The following CALB1 variants were observed in gnomAD, a reference collection of about 807,000 sequenced individuals.
CALB1 encodes the protein calbindin.
Under a neutral mutation model 46.7 loss-of-function variants are expected in CALB1, and 16 were observed. That is an observed-to-expected ratio of 0.34 (90% CI 0.23 to 0.52). The LOEUF (loss-of-function observed/expected upper bound fraction) is 0.52. Ranked by LOEUF, CALB1 falls within the 20% of genes least tolerant of loss-of-function variation. CALB1 has a pLI of 0.95. For synonymous variants in CALB1, 90 were observed against 112.8 expected (o/e 0.80, Z 1.28); for missense variants, 224 against 300.3 (o/e 0.75, Z 1.88).
At chr8:90,074,510 A>G (rs1814586878) in intron 3 of CALB1, among the ~76,000 whole-genome samples, 8 of 152,318 alleles carry the variant, frequency 5.3e-5, no homozygotes, top group Admixed American at 5.2e-4. Context: ...TCAAAAAAGT[A>G]TCCCTAATAA....
chr8:90,082,654 T>C lies in CALB1; in HGVS notation c.44A>G (p.Gln15Arg). 1.2e-6 allele frequency: 2 copies of C among 1,614,008 alleles called. No homozygotes were observed. Among genetic ancestry groups the C allele is most frequent in the Non-Finnish European group, 1.7e-6 (2 of 1,179,964 alleles). Reference sequence around the variant, plus strand: ...GAAATGGAGCCAGATCTCGAAAAACTGTGAGGCTGTGATGAGGGATGACTG... The same window carrying C: ...GAAATGGAGCCAGATCTCGAAAAACCGTGAGGCTGTGATGAGGGATGACTG... ...HLQSSLITAS[Q>R]FFEIWLHFDA... Residue 15 changes from glutamine to arginine, a missense_variant, in exon 1 of 11, where the codon CAG (glutamine) becomes CGG (arginine). Transcript: ENST00000265431.
intron 3 of CALB1, among the ~76,000 whole-genome samples, chr8:90,072,362 G>A (rs1230867299): frequency 1.3e-5 from 2 of 152,082 alleles, no homozygotes; most frequent in Admixed American, 6.6e-5. Context: ...TGCCCATACT[G>A]CTTTGGTTTT....
In CALB1 at chr8:90,081,922, T is replaced by C. The variant is rs1814740062; in HGVS notation, c.156+104A>G. The C allele has an allele frequency of 3.2e-6, 3 of 940,190 alleles. No individual in the cohort carries two copies. In the South Asian group the frequency reaches 4.6e-5, roughly 14 times the overall value. The allele number at this position is 940,190 out of a possible 1,614,324, so 58.2% of individuals were successfully genotyped here. A position where few individuals can be genotyped will look rare whatever the true frequency, so the allele number is the denominator to read the frequency against. On this transcript the variant is annotated intron_variant, in intron 2 of 10. Transcript: ENST00000265431. The stretch of plus-strand genomic sequence containing the variant: ...CTTTCGCAGTCAATAAACGTTTACA[T>C]TACCCAGAAAGCGCTTTACGCTACT...
chr8:90,065,215 A>G (rs956565871), intron 6 of CALB1, among the ~76,000 whole-genome samples: 1 of 151,250 alleles, frequency 6.6e-6, no homozygotes, highest in Non-Finnish European at 1.5e-5. Flanking sequence ...TTTATCTGGA[A>G]CCTTATTTAT....
At chr8:90,081,967 A>C (rs1489398837) in intron 2 of CALB1, 59 bp downstream of exon 2, 51 of 1,439,404 alleles carry the variant, frequency 3.5e-5, no homozygotes, top group African/African-American at 5.7e-5. Context: ...TGAAAACACA[A>C]GAATGTTTTA....
chr8:90,070,765 G>C (rs1234697367), intron 3 of CALB1, among the ~76,000 whole-genome samples: 1 of 151,404 alleles, frequency 6.6e-6, no homozygotes, highest in Non-Finnish European at 1.5e-5. Flanking sequence ...TAAAAATGGG[G>C]GTTTATAATG....
intron 3 of CALB1, among the ~76,000 whole-genome samples, chr8:90,070,614 G>A (rs576534849): frequency 1.1e-4 from 17 of 152,048 alleles, no homozygotes; most frequent in Middle Eastern, 3.4e-3. Context: ...CGATTTATAC[G>A]CACCACACAT....
intron 3 of CALB1, among the ~76,000 whole-genome samples, chr8:90,076,494 A>G (rs1238633487): frequency 6.6e-6 from 1 of 152,042 alleles, no homozygotes; most frequent in African/African-American, 2.4e-5. Context: ...TGATGATCAA[A>G]TGAGATAACA....
rs572245366 is a variant in CALB1 at position 90,060,063 on chromosome 8, A to G, written c.*110T>C. 3.4e-5 allele frequency: 24 copies of G among 706,064 alleles called. No individual in the cohort carries two copies. The highest frequency in any genetic ancestry group is 1.8e-4 in the African/African-American group (10 of 56,258). 43.7% of individuals were successfully genotyped at this position (706,064 alleles called of 1,614,324 possible). A position where few individuals can be genotyped will look rare whatever the true frequency, so the allele number is the denominator to read the frequency against. Reference sequence around the variant, plus strand: ...AGCCACACATCCTGGATAATTATCTATATGCAGTTAAATTTACAGATATAA... The same window carrying G: ...AGCCACACATCCTGGATAATTATCTGTATGCAGTTAAATTTACAGATATAA... On this transcript the variant is annotated 3_prime_UTR_variant, in exon 11 of 11. Transcript: ENST00000265431.
At position 90,082,641 on chromosome 8, in the gene CALB1, G is replaced by T. The variant is rs754501484; in HGVS notation, c.57C>A (p.Ile19=). 11 of 1,614,074 alleles carry T rather than the reference G, an allele frequency of 6.8e-6. No homozygotes were observed. The highest frequency in any genetic ancestry group is 9.3e-6 in the Non-Finnish European group (11 of 1,179,922). The change falls in exon 1 of 11, where the codon ATC becomes ATA. Residue 19 remains isoleucine (I), a synonymous_variant. Coordinates refer to ENST00000265431, the MANE Select transcript of CALB1 (RefSeq NM_004929.4). ...SLITASQFFE[I]WLHFDADGSG... ...CACCGTCAGCGTCGAAATGGAGCCA[G>T]ATCTCGAAAAACTGTGAGGCTGTGA...
Position 90,078,439 on chromosome 8 carries a change from T to G in CALB1, c.165A>C (p.Ser55=), listed in dbSNP as rs1317082848. 1.9e-6 allele frequency: 3 copies of G among 1,554,562 alleles called. No homozygotes were observed. Among genetic ancestry groups the G allele is most frequent in the Non-Finnish European group, 2.6e-6 (3 of 1,134,288 alleles). The change falls in exon 3 of 11, where the codon TCA becomes TCC. Residue 55 remains serine (S), a synonymous_variant. Transcript: ENST00000265431. ...GATCCACAAAAGTTTTCATTTCAGG[T>G]GATAACTCCTAAAATTATATAAAAG... The part of the protein sequence containing the change: ...QARKKAGLEL[S]PEMKTFVDQY...
At chr8:90,078,298 A>C in intron 3 of CALB1, 75 bp downstream of exon 3, 1 of 870,066 alleles carries the variant, frequency 1.1e-6, no homozygotes. Flanking sequence ...GCTATATCTT[A>C]CTTGACTTGA....
At chr8:90,076,466 T>C (rs755514916) in intron 3 of CALB1, among the ~76,000 whole-genome samples, 9 of 152,068 alleles carry the variant, frequency 5.9e-5, no homozygotes, top group Non-Finnish European at 1.0e-4. Context: ...TATTTAAATT[T>C]ACTTAATTTT....
chr8:90,062,013 G>A (rs763833624), intron 9 of CALB1: 10 of 151,876 alleles, frequency 6.6e-5, no homozygotes, highest in African/African-American at 2.4e-4. Context: ...TCGAAACATA[G>A]ACTAATGAGC....
At chr8:90,074,248 T>TAA (rs1586183140) in intron 3 of CALB1, among the ~76,000 whole-genome samples, 1 of 152,208 alleles carries the variant, frequency 6.6e-6, no homozygotes, top group East Asian at 1.9e-4. Context: ...AATACATTTG[T>TAA]TGAGTTTTTA....
intron 3 of CALB1, among the ~76,000 whole-genome samples, chr8:90,072,035 ATTGAG>A (rs1563679988): frequency 1.3e-5 from 2 of 152,184 alleles, no homozygotes; most frequent in Non-Finnish European, 2.9e-5. Flanking sequence ...ACTTAAAAGA[ATTGAG>A]TTATTTTTTG....
chr8:90,070,894 C>A (rs1184522076), intron 3 of CALB1, among the ~76,000 whole-genome samples: 1 of 146,094 alleles, frequency 6.8e-6, no homozygotes, highest in Non-Finnish European at 1.5e-5. Context: ...TATCCAGGTC[C>A]CTTATTAAAC....
intron 5 of CALB1, among the ~76,000 whole-genome samples, chr8:90,068,075 T>C (rs754131251): frequency 2.0e-5 from 3 of 152,178 alleles, no homozygotes; most frequent in Non-Finnish European, 4.4e-5. Flanking sequence ...TGGGGTCGGC[T>C]TGAGGAAATG....
intron 3 of CALB1, among the ~76,000 whole-genome samples, chr8:90,070,724 A>G (rs920485544): frequency 6.6e-6 from 1 of 152,192 alleles, no homozygotes; most frequent in Admixed American, 6.5e-5. Flanking sequence ...AAAGGTCACT[A>G]GTGTGGGTAG....
Sources: gnomAD v4.1 joint callset for allele counts (sites outside exome capture counted in the v4.1 genomes callset) on GRCh38, gnomAD v4.1.1 for gene constraint, MANE v1.5 for transcripts, NCBI Gene and HGNC (gene_info 2026-07-23, HGNC 2026-07-21) for gene names.